EXOC4: variants seen among roughly 807,000 people sequenced by gnomAD.
The protein encoded by EXOC4 is SEC8-like 1.
In EXOC4, 71 loss-of-function variants were observed where a neutral mutation model predicts 107.2. The observed-to-expected ratio is 0.66, with a 90% CI of 0.55 to 0.81. EXOC4 has a LOEUF of 0.81. Ranked by LOEUF, EXOC4 falls within the 30% of genes least tolerant of loss-of-function variation. The pLI is 0.00. For synonymous variants in EXOC4, 456 were observed against 441.2 expected (o/e 1.03, Z -0.42); for missense variants, 1,108 against 1,189.6 (o/e 0.93, Z 1.01).
At chr7:134,086,717 C>G in the EXOC4 span, among the ~76,000 whole-genome samples, 1 of 151,902 alleles carries the variant, frequency 6.6e-6, no homozygotes, top group East Asian at 1.9e-4. Context: ...CAGGGTGAGT[C>G]CACAGTACAA....
chr7:133,943,417 G>A (rs572760301), intron 14 of EXOC4, among the ~76,000 whole-genome samples: 1 of 152,030 alleles, frequency 6.6e-6, no homozygotes, highest in Non-Finnish European at 1.5e-5. Flanking sequence ...AAATAGACTT[G>A]GAAAATATTA....
At chr7:133,568,435 G>A (rs1377424513) in intron 9 of EXOC4, among the ~76,000 whole-genome samples, 1 of 152,070 alleles carries the variant, frequency 6.6e-6, no homozygotes, top group Non-Finnish European at 1.5e-5. Context: ...TCCACCAGCT[G>A]AGGTTATAAA....
In EXOC4 at chr7:133,823,852, T is replaced by C. The variant is rs1195063203; in HGVS notation, c.1734+6308T>C. 5.9e-3 allele frequency among the ~76,000 whole-genome samples: 89 copies of C among 14,990 alleles called. 10 individuals carry two copies. Among genetic ancestry groups the C allele is most frequent in the African/African-American group, 0.012 (10 of 828 alleles). The allele number at this position is 14,990 out of a possible 152,430, so 9.8% of individuals were successfully genotyped here. A position where few individuals can be genotyped will look rare whatever the true frequency, so the allele number is the denominator to read the frequency against. The stretch of plus-strand genomic sequence containing the variant: ...TATATATATATATATATTATATATA[T>C]ATATATATATATATATATATTATAT... On this transcript the variant is annotated intron_variant, in intron 11 of 17. Coordinates refer to ENST00000253861, the MANE Select transcript of EXOC4 (RefSeq NM_021807.4).
intron 10 of EXOC4, among the ~76,000 whole-genome samples, chr7:133,684,114 G>A (rs2991238): frequency 0.54 from 82,564 of 151,930 alleles, 22,924 homozygotes; most frequent in East Asian, 0.66. Flanking sequence ...CTACTTTAAC[G>A]AACTATAACT....
chr7:134,093,945 C>T, the EXOC4 span, among the ~76,000 whole-genome samples: 1 of 152,158 alleles, frequency 6.6e-6, no homozygotes, highest in Admixed American at 6.5e-5. Context: ...AAGTTTATAA[C>T]ACTAAATGTC....
chr7:133,791,540 A>C (rs889050505), intron 10 of EXOC4, among the ~76,000 whole-genome samples: 9 of 152,348 alleles, frequency 5.9e-5, no homozygotes, highest in Middle Eastern at 3.4e-3. Context: ...AACTTGGATT[A>C]ATTTTCTTAA....
intron 11 of EXOC4, among the ~76,000 whole-genome samples, chr7:133,849,122 G>A (rs1237957690): frequency 6.6e-6 from 1 of 152,130 alleles, no homozygotes; most frequent in Non-Finnish European, 1.5e-5. Context: ...TATAACAGAT[G>A]CAAATAACCC....
chr7:133,399,708 T>A (rs1370384118), intron 7 of EXOC4, among the ~76,000 whole-genome samples: 1 of 152,220 alleles, frequency 6.6e-6, no homozygotes, highest in Non-Finnish European at 1.5e-5. Context: ...CAGAAATGCT[T>A]CACATGGAGG....
At chr7:133,884,607 G>GTA (rs1467370606) in intron 11 of EXOC4, among the ~76,000 whole-genome samples, 2 of 151,568 alleles carry the variant, frequency 1.3e-5, no homozygotes, top group Non-Finnish European at 2.9e-5. Context: ...GTGTGTGTGT[G>GTA]TGTGTGTGTG....
intron 1 of EXOC4, among the ~76,000 whole-genome samples, chr7:133,272,573 C>T (rs1256331890): frequency 6.6e-6 from 1 of 151,732 alleles, no homozygotes; most frequent in African/African-American, 2.4e-5. Context: ...TCCTTGCTGC[C>T]TTCCTTTTCT....
the EXOC4 span, among the ~76,000 whole-genome samples, chr7:134,074,958 G>T: frequency 6.6e-6 from 1 of 152,328 alleles, no homozygotes; most frequent in Non-Finnish European, 1.5e-5. Context: ...GAGAATCAAT[G>T]TGAGGGCTGA....
At chr7:133,862,967 A>T (rs1189540440) in intron 11 of EXOC4, among the ~76,000 whole-genome samples, 1 of 152,200 alleles carries the variant, frequency 6.6e-6, no homozygotes, top group Admixed American at 6.5e-5. Context: ...CAGAATTATT[A>T]GGGTTCATAT....
In EXOC4 at chr7:133,969,664, G is replaced by A. The variant is rs578040033; in HGVS notation, c.2207-27828G>A. ...CCCTGTTTGCCTGGGTATCACCAGC[G>A]GAGGCTGCAGAACAGCAAAGATTGC... On this transcript the variant is annotated intron_variant, in intron 14 of 17. Coordinates refer to ENST00000253861, the MANE Select transcript of EXOC4 (RefSeq NM_021807.4). Among the ~76,000 whole-genome samples, 31 of 152,284 alleles carry A rather than the reference G, an allele frequency of 2.0e-4. No homozygotes were observed. In the South Asian group the frequency reaches 2.1e-3, roughly 10 times the overall value.
intron 1 of EXOC4, among the ~76,000 whole-genome samples, chr7:133,271,844 T>C (rs1407427066): frequency 6.6e-6 from 1 of 152,108 alleles, no homozygotes; most frequent in Non-Finnish European, 1.5e-5. Context: ...CCTCTTAGCT[T>C]TCGAGTAGAA....
intron 9 of EXOC4, among the ~76,000 whole-genome samples, chr7:133,618,167 C>T (rs968096467): frequency 6.6e-6 from 1 of 151,940 alleles, no homozygotes; most frequent in African/African-American, 2.4e-5. Context: ...GCCTTTTATA[C>T]CTTTTTCTTG....
chr7:133,523,740 A>G (rs893101061), intron 9 of EXOC4, among the ~76,000 whole-genome samples: 11 of 152,074 alleles, frequency 7.2e-5, no homozygotes, highest in African/African-American at 2.4e-4. Flanking sequence ...ATGATTTCCA[A>G]TTTCATCCAT....
At chr7:133,965,189 T>A (rs534326837) in intron 14 of EXOC4, among the ~76,000 whole-genome samples, 66 of 152,388 alleles carry the variant, frequency 4.3e-4, no homozygotes, top group Non-Finnish European at 8.7e-4. Context: ...TTGTTTTTTC[T>A]TGTAAATTTG....
At chr7:133,718,969 C>T (rs1167282285) in intron 10 of EXOC4, among the ~76,000 whole-genome samples, 1 of 152,110 alleles carries the variant, frequency 6.6e-6, no homozygotes, top group Admixed American at 6.6e-5. Flanking sequence ...TGGAGCCATT[C>T]GTGATTTTCA....
rs949118677 is a variant in EXOC4 at position 133,594,144 on chromosome 7, C to G, written c.1418-35901C>G. Among the ~76,000 whole-genome samples, 7 of 152,230 alleles carry G rather than the reference C, an allele frequency of 4.6e-5. No homozygotes were observed. The South Asian group carries it at 6.2e-4, about 14-fold the overall frequency. On this transcript the variant is annotated intron_variant, in intron 9 of 17. Transcript: ENST00000253861. ...CTTAGAATCTAAGAATTGTCAGAAC[C>G]CTTAAATGTGAACCACTTTGATGCA...
Sources: allele counts gnomAD v4.1 joint callset (sites outside exome capture counted in the v4.1 genomes callset), GRCh38; gene constraint gnomAD v4.1.1; transcripts MANE v1.5; gene names NCBI Gene and HGNC (gene_info 2026-07-23, HGNC 2026-07-21).